Variants in ROBO1 observed in about 807,000 individuals in gnomAD.
The protein encoded by ROBO1 is roundabout guidance receptor 1, also known as roundabout homolog 1.
ROBO1 carries 149 observed loss-of-function variants against 195.9 expected under a neutral mutation model. That is an observed-to-expected ratio of 0.76 (90% CI 0.67 to 0.87). The LOEUF (loss-of-function observed/expected upper bound fraction) is 0.87, where lower values mean the gene tolerates loss of function less well. Ranked by LOEUF, ROBO1 falls within the 40% of genes least tolerant of loss-of-function variation. The probability of loss-of-function intolerance (pLI) is 0.00; values close to 1 mark genes in which losing one functional copy is unlikely to be tolerated. For missense variants in ROBO1, 1,933 were observed against 2,068.3 expected, an observed-to-expected ratio of 0.93 and a Z score of 1.27; for synonymous variants, 816 against 733.2, an observed-to-expected ratio of 1.11 and a Z score of -1.82.
chr3:79,165,623 TC>T (rs1034999660), intron 2 of ROBO1, among the ~76,000 whole-genome samples: 12 of 152,204 alleles, frequency 7.9e-5, no homozygotes, highest in African/African-American at 2.9e-4. Context: ...GAACGGAATT[TC>T]CCCTGGATTT....
chr3:78,980,939 CTGT>C (rs2076977328), intron 3 of ROBO1, among the ~76,000 whole-genome samples: 1 of 152,136 alleles, frequency 6.6e-6, no homozygotes, highest in African/African-American at 2.4e-5. Flanking sequence ...AACATCCAAA[CTGT>C]TGTTACATTC....
intron 1 of ROBO1, among the ~76,000 whole-genome samples, chr3:79,664,324 C>A (rs1158527764): frequency 6.6e-6 from 1 of 151,888 alleles, no homozygotes; most frequent in East Asian, 1.9e-4. Flanking sequence ...TTCGATAAGT[C>A]TGATGTCTTA....
chr3:79,362,599 G>T (rs1431715842), intron 2 of ROBO1, among the ~76,000 whole-genome samples: 1 of 152,044 alleles, frequency 6.6e-6, no homozygotes, highest in Non-Finnish European at 1.5e-5. Context: ...TTCTTTTCAG[G>T]CTTTAATTGT....
At chr3:78,717,472 C>T in intron 6 of ROBO1, 59 bp from the exon 7 acceptor site, 3 of 1,429,788 alleles carry the variant, frequency 2.1e-6, no homozygotes, top group Admixed American at 1.7e-5. Flanking sequence ...CTGAAAAACA[C>T]TTTAGGAGTT....
intron 3 of ROBO1, among the ~76,000 whole-genome samples, chr3:79,035,562 A>G (rs1315998816): frequency 2.7e-5 from 4 of 146,142 alleles, no homozygotes; most frequent in African/African-American, 1.1e-4. Flanking sequence ...TCTACAAAAC[A>G]AAAAAAACAA....
chr3:79,012,956 G>C (rs1189801018), intron 3 of ROBO1, among the ~76,000 whole-genome samples: 1 of 152,064 alleles, frequency 6.6e-6, no homozygotes, highest in Non-Finnish European at 1.5e-5. Flanking sequence ...AAAGAATGGA[G>C]GTAGCCTTTT....
At chr3:78,712,834 G>A (rs2081797268) in intron 8 of ROBO1, among the ~76,000 whole-genome samples, 2 of 152,134 alleles carry the variant, frequency 1.3e-5, no homozygotes, top group South Asian at 4.1e-4. Context: ...AATGTCTACT[G>A]TATACACAGT....
rs113441040 is a variant in ROBO1, at chr3:78,665,735, T to C, written c.1966+2148A>G. On this transcript the variant is annotated intron_variant, in intron 14 of 30. Coordinates refer to ENST00000464233, the MANE Select transcript of ROBO1 (RefSeq NM_002941.4). ...TCCAATCCCGAGGAATGGGTATGTT[T>C]AGCCCCATTTTATAGGTGAGGAAAC... Among the ~76,000 whole-genome samples, 383 of 152,268 alleles carry C rather than the reference T, an allele frequency of 2.5e-3. 2 individuals carry two copies. The highest frequency in any genetic ancestry group is 8.9e-3 in the African/African-American group (369 of 41,550).
intron 2 of ROBO1, among the ~76,000 whole-genome samples, chr3:79,563,601 A>G (rs1377380423): frequency 6.6e-6 from 1 of 152,112 alleles, no homozygotes; most frequent in Non-Finnish European, 1.5e-5. Context: ...ATCCAATAAA[A>G]AGAAATTATT....
chr3:78,638,345 C>CAT (rs373334745), intron 22 of ROBO1, among the ~76,000 whole-genome samples: 4,836 of 148,064 alleles, frequency 0.033, 129 homozygotes, highest in African/African-American at 0.072. Context: ...TTAATATGTA[C>CAT]ATATATATAT....
chr3:79,315,693 G>A (rs2033698700), intron 2 of ROBO1, among the ~76,000 whole-genome samples: 2 of 152,174 alleles, frequency 1.3e-5, no homozygotes, highest in Admixed American at 6.6e-5. Flanking sequence ...TAAATTCAAA[G>A]TATCTACCAG....
intron 3 of ROBO1, among the ~76,000 whole-genome samples, chr3:79,013,114 T>G (rs2077828156): frequency 6.6e-6 from 1 of 151,978 alleles, no homozygotes; most frequent in Admixed American, 6.6e-5. Flanking sequence ...GCTCATCTAC[T>G]AAATGATCAC....
intron 1 of ROBO1, among the ~76,000 whole-genome samples, chr3:79,709,184 C>A (rs1576263921): frequency 6.6e-6 from 1 of 152,098 alleles, no homozygotes; most frequent in South Asian, 2.1e-4. Flanking sequence ...TATTTAAGAA[C>A]CAGTGTCTCC....
chr3:79,520,876 TTGAG>T (rs762496883), intron 2 of ROBO1, among the ~76,000 whole-genome samples: 16 of 152,102 alleles, frequency 1.1e-4, no homozygotes, highest in South Asian at 2.1e-4. Flanking sequence ...GAAAAATACT[TTGAG>T]TGAGAGATTA....
chr3:78,890,902 C>T (rs2036850522), intron 4 of ROBO1, among the ~76,000 whole-genome samples: 1 of 152,180 alleles, frequency 6.6e-6, no homozygotes, highest in South Asian at 2.1e-4. Flanking sequence ...GCTAAGATTA[C>T]AGGTGTGTAC....
At chr3:79,316,287 C>T (rs889597954) in intron 2 of ROBO1, among the ~76,000 whole-genome samples, 15 of 152,120 alleles carry the variant, frequency 9.9e-5, no homozygotes, top group African/African-American at 3.6e-4. Context: ...AAATGTACCA[C>T]TCTTTTAAGG....
chr3:78,670,030 G>A, intron 11 of ROBO1, 66 bp downstream of exon 11: 1 of 1,250,562 alleles, frequency 8.0e-7, no homozygotes. Flanking sequence ...AAATTTCAAT[G>A]CCAGTTGTTG....
intron 3 of ROBO1, among the ~76,000 whole-genome samples, chr3:78,960,974 C>G (rs1004591020): frequency 2.0e-5 from 3 of 152,098 alleles, no homozygotes; most frequent in African/African-American, 7.2e-5. Flanking sequence ...CTAATCGTTG[C>G]AATACGCTGT....
chr3:78,969,045 A>T (rs2076708310), intron 3 of ROBO1, among the ~76,000 whole-genome samples: 1 of 152,222 alleles, frequency 6.6e-6, no homozygotes, highest in Non-Finnish European at 1.5e-5. Flanking sequence ...AGCTGAAATC[A>T]TCTGATTTTT....
Sources: allele counts gnomAD v4.1 joint callset (sites outside exome capture counted in the v4.1 genomes callset), GRCh38; gene constraint gnomAD v4.1.1; transcripts MANE v1.5; gene names NCBI Gene and HGNC (gene_info 2026-07-23, HGNC 2026-07-21).